RAPGEF2: variants seen among roughly 807,000 people sequenced by gnomAD.
The protein encoded by RAPGEF2 is PDZ domain containing guanine nucleotide exchange factor (GEF) 1.
A neutral mutation model predicts 186.7 loss-of-function variants in RAPGEF2; 54 were observed. The ratio of observed to expected loss-of-function variants is 0.29; its 90% CI spans 0.23 to 0.36. RAPGEF2 has a LOEUF of 0.36. Ranked by LOEUF, RAPGEF2 falls within the 10% of genes least tolerant of loss-of-function variation. The pLI, the probability that RAPGEF2 is intolerant of heterozygous loss-of-function variation, is 1.00. For synonymous variants in RAPGEF2, 712 were observed against 705.9 expected, an observed-to-expected ratio of 1.01 and a Z score of -0.14; for missense variants, 1,532 against 2,045.0, an observed-to-expected ratio of 0.75 and a Z score of 4.84.
chr4:159,109,106 A>G (rs1370423517), intron 1 of RAPGEF2, among the ~76,000 whole-genome samples: 3 of 152,226 alleles, frequency 2.0e-5, no homozygotes, highest in Non-Finnish European at 2.9e-5. Context: ...TAATGATATG[A>G]TAACCTTCTA....
At chr4:159,185,354 A>G (rs1747452896) in intron 1 of RAPGEF2, among the ~76,000 whole-genome samples, 2 of 152,206 alleles carry the variant, frequency 1.3e-5, no homozygotes, top group East Asian at 3.8e-4. Flanking sequence ...TGTTCAAACA[A>G]GAACTTACGC....
intron 7 of RAPGEF2, among the ~76,000 whole-genome samples, chr4:159,262,585 T>A (rs188070875): frequency 6.6e-6 from 1 of 152,298 alleles, no homozygotes; most frequent in Admixed American, 6.5e-5. Flanking sequence ...GTCTGCCCGT[T>A]TTTCAAGTAA....
intron 9 of RAPGEF2, among the ~76,000 whole-genome samples, chr4:159,315,298 C>CT (rs747568588): frequency 9.0e-4 from 130 of 143,858 alleles, no homozygotes; most frequent in East Asian, 2.6e-3. Context: ...TGTTTTTGTC[C>CT]TTTTTTTTTT....
Position 159,343,139 on chromosome 4 carries a change from A to G in RAPGEF2, c.3079A>G (p.Ile1027Val), listed in dbSNP as rs1276874002. Residue 1027 changes from isoleucine (I) to valine (V), a missense_variant, in exon 21 of 30, where the codon ATA becomes GTA. By Grantham distance (29) the Ile-to-Val change is conservative (BLOSUM62 3). Around this residue, in one of 4 missense-constraint regions of RAPGEF2, gnomAD observed 11 missense variants for 45.2 expected, o/e 0.24. Transcript: ENST00000691494. Reference protein sequence around the residue: ...VLNSQNLQPPIIPLFPVIKKD... With the variant: ...VLNSQNLQPPVIPLFPVIKKD... ...CAATAGTCAAAATCTACAACCTCCCATAATCCCTCTATTCCCAGTTATCAA... is the reference window on the plus strand; with the variant it reads ...CAATAGTCAAAATCTACAACCTCCCGTAATCCCTCTATTCCCAGTTATCAA... 5 of 1,614,102 alleles carry G rather than the reference A, an allele frequency of 3.1e-6. No individual in the cohort carries two copies. The highest frequency in any genetic ancestry group is 1.3e-5 in the African/African-American group (1 of 75,028).
At chr4:159,113,765 T>C (rs916888177) in intron 1 of RAPGEF2, among the ~76,000 whole-genome samples, 6 of 147,502 alleles carry the variant, frequency 4.1e-5, no homozygotes, top group South Asian at 2.1e-4. Context: ...AAAAAAAGTA[T>C]CTTTTTTTCC....
intron 24 of RAPGEF2, among the ~76,000 whole-genome samples, 156 bp downstream of exon 24, chr4:159,345,485 A>G (rs1730148399): frequency 6.6e-6 from 1 of 152,170 alleles, no homozygotes; most frequent in African/African-American, 2.4e-5. Flanking sequence ...AATATTTAAT[A>G]CTGGGTAGCA....
At chr4:159,110,401 A>G (rs1165872683) in intron 1 of RAPGEF2, among the ~76,000 whole-genome samples, 1 of 152,160 alleles carries the variant, frequency 6.6e-6, no homozygotes, top group Non-Finnish European at 1.5e-5. Flanking sequence ...CAGCCTGGCC[A>G]ACATAGTGAA....
At position 159,104,157 on chromosome 4, in the gene RAPGEF2, G is replaced by A. The variant is rs890128528; in HGVS notation, c.-6G>A. On this transcript the variant is annotated 5_prime_UTR_variant, in exon 1 of 30. Coordinates refer to ENST00000691494, the MANE Select transcript of RAPGEF2 (RefSeq NM_001394067.2). ...GGAGCGGCCCCGGCCCGCTCCCAGAGGGGAGATGGCGTCCTACGTAGATAA... is the reference window on the plus strand; with the variant it reads ...GGAGCGGCCCCGGCCCGCTCCCAGAAGGGAGATGGCGTCCTACGTAGATAA... 6.6e-6 allele frequency: 10 copies of A among 1,523,582 alleles called. No homozygotes were observed. In the African/African-American group the frequency reaches 8.3e-5, roughly 13 times the overall value. The allele number at this position is 1,523,582 out of a possible 1,614,324, so 94.4% of individuals were successfully genotyped here. A position where few individuals can be genotyped will look rare whatever the true frequency, so the allele number is the denominator to read the frequency against.
At chr4:159,269,808 T>G (rs1417498370) in intron 7 of RAPGEF2, among the ~76,000 whole-genome samples, 1 of 152,116 alleles carries the variant, frequency 6.6e-6, no homozygotes, top group Admixed American at 6.5e-5. Flanking sequence ...GCCAGAAGTT[T>G]GCTACTATGG....
chr4:159,176,945 C>T (rs938033384), intron 1 of RAPGEF2, among the ~76,000 whole-genome samples: 12 of 152,070 alleles, frequency 7.9e-5, no homozygotes, highest in Middle Eastern at 3.2e-3. Context: ...GTTTGTTGTC[C>T]AGCTCTGCCA....
chr4:159,339,438 GT>G, intron 19 of RAPGEF2, 84 bp downstream of exon 19: 1 of 1,469,336 alleles, frequency 6.8e-7, no homozygotes, highest in Non-Finnish European at 9.1e-7. Flanking sequence ...TTTTCAAAGT[GT>G]TTTTTAAATG....
intron 4 of RAPGEF2, chr4:159,229,456 C>T (rs1204831080): frequency 2.6e-5 from 4 of 152,182 alleles, no homozygotes; most frequent in African/African-American, 4.8e-5. Context: ...ACAGAAACTT[C>T]GGACAATTTG....
intron 1 of RAPGEF2, among the ~76,000 whole-genome samples, chr4:159,132,873 A>T (rs1433695487): frequency 2.7e-5 from 4 of 150,644 alleles, no homozygotes; most frequent in Admixed American, 6.6e-5. Context: ...TTTAAATATT[A>T]TATACTTAGT....
intron 4 of RAPGEF2, among the ~76,000 whole-genome samples, chr4:159,235,750 A>T (rs1377427517): frequency 6.6e-6 from 1 of 152,252 alleles, no homozygotes; most frequent in East Asian, 1.9e-4. Flanking sequence ...TTGAAAATGT[A>T]GTAAATAATC....
intron 1 of RAPGEF2, among the ~76,000 whole-genome samples, chr4:159,136,980 A>G (rs1741787242): frequency 1.3e-5 from 2 of 152,188 alleles, no homozygotes; most frequent in African/African-American, 4.8e-5. Context: ...ATTGGTTGCT[A>G]GTGCTAAAAC....
At chr4:159,212,745 C>G (rs1750648539) in intron 4 of RAPGEF2, among the ~76,000 whole-genome samples, 1 of 152,142 alleles carries the variant, frequency 6.6e-6, no homozygotes, top group Admixed American at 6.6e-5. Flanking sequence ...AAAAAGAGCA[C>G]TGATTGTGAC....
At chr4:159,308,600 CA>C (rs1763586029) in intron 8 of RAPGEF2, among the ~76,000 whole-genome samples, 1 of 152,128 alleles carries the variant, frequency 6.6e-6, no homozygotes, top group Non-Finnish European at 1.5e-5. Context: ...TCTCCTGTCA[CA>C]TTGAAGTGAG....
At chr4:159,162,488 A>G (rs1744822159) in intron 1 of RAPGEF2, among the ~76,000 whole-genome samples, 1 of 152,086 alleles carries the variant, frequency 6.6e-6, no homozygotes, top group South Asian at 2.1e-4. Flanking sequence ...CCTGGGAAGC[A>G]TATTCGTAAA....
intron 7 of RAPGEF2, among the ~76,000 whole-genome samples, chr4:159,303,768 T>C (rs1431105563): frequency 6.6e-6 from 1 of 152,098 alleles, no homozygotes; most frequent in East Asian, 1.9e-4. Flanking sequence ...AAAGTTGATA[T>C]TTATGTATAT....
Sources: gnomAD v4.1 joint callset for allele counts (sites outside exome capture counted in the v4.1 genomes callset) on GRCh38, gnomAD v4.1.1 for gene constraint, gnomAD v4.1.1 regional missense constraint, MANE v1.5 for transcripts, NCBI Gene and HGNC (gene_info 2026-07-23, HGNC 2026-07-21) for gene names.